DENND5B: variants seen among roughly 807,000 people sequenced by gnomAD.
DENND5B encodes DENN domain containing 5B.
Under a neutral mutation model 140.6 loss-of-function variants are expected in DENND5B, and 34 were observed. The ratio of observed to expected loss-of-function variants is 0.24; its 90% confidence interval spans 0.18 to 0.32. The LOEUF (loss-of-function observed/expected upper bound fraction) is 0.32. DENND5B is among the 10% of genes least tolerant of loss of function. DENND5B has a pLI of 1.00. For synonymous variants in DENND5B, 551 were observed against 562.1 expected (o/e 0.98, Z 0.28); for missense variants, 1,142 against 1,560.2 (o/e 0.73, Z 4.52).
At chr12:31,415,650 C>G (rs548427785) in intron 11 of DENND5B, among the ~76,000 whole-genome samples, 1 of 152,116 alleles carries the variant, frequency 6.6e-6, no homozygotes, top group Non-Finnish European at 1.5e-5. Flanking sequence ...GTGGCATGAT[C>G]GTGGCTCACT....
intron 1 of DENND5B, among the ~76,000 whole-genome samples, chr12:31,560,031 C>A (rs1347365748): frequency 6.6e-6 from 1 of 152,174 alleles, no homozygotes; most frequent in East Asian, 1.9e-4. Context: ...CCTTGGCCCT[C>A]TTCCTCTTCT....
intron 2 of DENND5B, among the ~76,000 whole-genome samples, chr12:31,488,776 T>C (rs1273470137): frequency 6.6e-6 from 1 of 152,160 alleles, no homozygotes; most frequent in East Asian, 1.9e-4. Flanking sequence ...TCAAGATTTG[T>C]TTATCACGGT....
intron 1 of DENND5B, among the ~76,000 whole-genome samples, chr12:31,573,274 G>A (rs753344918): frequency 6.6e-6 from 1 of 152,084 alleles, no homozygotes; most frequent in African/African-American, 2.4e-5. Flanking sequence ...ATACTTTTAA[G>A]AGCAAAAAAT....
intron 2 of DENND5B, among the ~76,000 whole-genome samples, chr12:31,487,082 C>A (rs1946337264): frequency 6.6e-6 from 1 of 152,134 alleles, no homozygotes. Context: ...AAAGAAAAAA[C>A]TGTGAAGCTC....
At chr12:31,527,777 G>A (rs754750316) in intron 1 of DENND5B, among the ~76,000 whole-genome samples, 3 of 150,778 alleles carry the variant, frequency 2.0e-5, no homozygotes, top group Non-Finnish European at 3.0e-5. Context: ...GACTCCATTT[G>A]GGGAAAAAAA....
chr12:31,536,110 T>A (rs1051386059), intron 1 of DENND5B, among the ~76,000 whole-genome samples: 3 of 152,148 alleles, frequency 2.0e-5, no homozygotes, highest in African/African-American at 7.2e-5. Flanking sequence ...TCCACCATGA[T>A]TCTAAGTTTC....
At chr12:31,445,925 C>T (rs1400031758) in intron 6 of DENND5B, among the ~76,000 whole-genome samples, 5 of 151,352 alleles carry the variant, frequency 3.3e-5, no homozygotes, top group South Asian at 2.1e-4. Flanking sequence ...AGGAACATCA[C>T]CTGAGCCCAG....
intron 3 of DENND5B, among the ~76,000 whole-genome samples, chr12:31,463,196 T>A (rs947641068): frequency 2.0e-5 from 3 of 152,072 alleles, no homozygotes; most frequent in African/African-American, 7.2e-5. Context: ...GAGGCAGAGG[T>A]TGCAGTGAGC....
At chr12:31,395,942 C>CAAAAAAAA (rs541816511) in intron 17 of DENND5B, among the ~76,000 whole-genome samples, 3 of 91,754 alleles carry the variant, frequency 3.3e-5, no homozygotes, top group East Asian at 3.3e-4. Context: ...ATCACTGGGC[C>CAAAAAAAA]AAAAAAAAAA....
intron 1 of DENND5B, chr12:31,541,102 C>T (rs1265015459): frequency 2.4e-6 from 1 of 425,128 alleles, no homozygotes; most frequent in African/African-American, 2.1e-5. Context: ...AACTATGAAA[C>T]TACTAAAAGA....
chr12:31,509,837 G>T (rs2138901333), intron 1 of DENND5B, among the ~76,000 whole-genome samples: 1 of 152,268 alleles, frequency 6.6e-6, no homozygotes, highest in Middle Eastern at 3.4e-3. Context: ...CCTCATTGAG[G>T]TGATGTTTGA....
rs1241478747 is a variant in DENND5B at position 31,547,688 on chromosome 12, C to T, written c.127+43018G>A. Among the ~76,000 whole-genome samples, 5 of 152,080 alleles carry T rather than the reference C, an allele frequency of 3.3e-5. No homozygotes were observed. The South Asian group carries it at 6.2e-4, about 19-fold the overall frequency. On this transcript the variant is annotated intron_variant, in intron 1 of 20. Coordinates refer to ENST00000389082, the MANE Select transcript of DENND5B (RefSeq NM_144973.4). Reference sequence around the variant, plus strand: ...GGGATTACAGGCGTAAACCACTGCACCCGGCCTCAAACTAAAAAGTTTGTT... The same window carrying T: ...GGGATTACAGGCGTAAACCACTGCATCCGGCCTCAAACTAAAAAGTTTGTT...
intron 17 of DENND5B, 62 bp downstream of exon 17, chr12:31,398,113 A>G (rs1216242756): frequency 6.9e-7 from 1 of 1,452,106 alleles, no homozygotes; most frequent in Non-Finnish European, 9.2e-7. Flanking sequence ...ACTGTTTTCT[A>G]TCAAATGGTC....
chr12:31,574,295 A>AATAATAATTATAATT (rs374578025), intron 1 of DENND5B, among the ~76,000 whole-genome samples: 1 of 144,576 alleles, frequency 6.9e-6, no homozygotes. Flanking sequence ...TAATAATAAT[A>AATAATAATTATAATT]ATTTAAAAGG....
rs140055492 is a variant in DENND5B, at chr12:31,417,180, C to T, written c.2471-1732G>A. Among the ~76,000 whole-genome samples, 393 of 150,416 alleles carry T rather than the reference C, an allele frequency of 2.6e-3. 1 individual carries two copies. The highest frequency in any genetic ancestry group is 9.2e-3 in the African/African-American group (377 of 40,998). Reference sequence around the variant, plus strand: ...GACCACCCTGGCTAACACGGTGAAACCCCATCTCTACTAAAAAATACAAAA... The same window carrying T: ...GACCACCCTGGCTAACACGGTGAAATCCCATCTCTACTAAAAAATACAAAA... On this transcript the variant is annotated intron_variant, in intron 11 of 20. Coordinates refer to ENST00000389082, the MANE Select transcript of DENND5B (RefSeq NM_144973.4).
intron 2 of DENND5B, among the ~76,000 whole-genome samples, chr12:31,483,324 C>G (rs1229164847): frequency 1.3e-5 from 2 of 152,230 alleles, no homozygotes; most frequent in Non-Finnish European, 1.5e-5. Flanking sequence ...TTTGTCACAA[C>G]TGCTCCACTC....
chr12:31,389,349 G>C lies in DENND5B; in HGVS notation c.3616C>G (p.Gln1206Glu). 2 of 1,612,790 alleles carry C rather than the reference G, an allele frequency of 1.2e-6. No homozygotes were observed. The highest frequency in any genetic ancestry group is 1.7e-6 in the Non-Finnish European group (2 of 1,179,520). Residue 1206 changes from glutamine (Q) to glutamate (E), a missense_variant, in exon 20 of 21, where the codon CAG becomes GAG. Around this residue, in one of 5 missense-constraint regions of DENND5B, gnomAD observed 125 missense variants for 179.0 expected, o/e 0.70. Transcript: ENST00000389082. ...PRNIGKDGKF[Q>E]ILVCLGTRDR... ...CTTGTTCCAAGGCAAACTAAAATCT[G>C]GAATTTGCCATCCTTCCCAATGTTC...
At chr12:31,393,434 G>A (rs1941255988) in intron 17 of DENND5B, among the ~76,000 whole-genome samples, 1 of 152,158 alleles carries the variant, frequency 6.6e-6, no homozygotes. Context: ...TGCTCTTCTA[G>A]GCCACTTTCC....
intron 2 of DENND5B, among the ~76,000 whole-genome samples, chr12:31,485,636 T>C (rs1302200337): frequency 1.3e-5 from 2 of 152,266 alleles, no homozygotes; most frequent in Admixed American, 6.5e-5. Context: ...GGGGGCCATG[T>C]ATGCCCACCC....
Sources: gnomAD v4.1 joint callset for allele counts (sites outside exome capture counted in the v4.1 genomes callset) on GRCh38, gnomAD v4.1.1 for gene constraint, gnomAD v4.1.1 regional missense constraint, MANE v1.5 for transcripts, NCBI Gene and HGNC (gene_info 2026-07-23, HGNC 2026-07-21) for gene names.